The following SIPA1L3 variants were observed in gnomAD, a reference collection of about 807,000 sequenced individuals.
SIPA1L3 encodes the protein signal induced proliferation associated 1 like 3.
Under a neutral mutation model 150.1 loss-of-function variants are expected in SIPA1L3, and 59 were observed. That is an observed-to-expected ratio of 0.39 (90% CI 0.32 to 0.49). The LOEUF is 0.49. Among genes scored for constraint, SIPA1L3 ranks in the 20% least tolerant of loss-of-function variants. The pLI is 0.86. For synonymous variants in SIPA1L3, 1,070 were observed against 1,077.6 expected, an observed-to-expected ratio of 0.99 and a Z score of 0.14; for missense variants, 2,211 against 2,489.5, an observed-to-expected ratio of 0.89 and a Z score of 2.38.
chr19:38,002,737 A>G lies in SIPA1L3; in HGVS notation c.-378-26352A>G, dbSNP rs868820861. ...CATCTCAAAAAAAAAAAAAAAAAAA[A>G]AAAAAAATTTATATGTATATATATA... On this transcript the variant is annotated intron_variant, in intron 1 of 21. Transcript: ENST00000222345. Among the ~76,000 whole-genome samples the G allele has an allele frequency of 4.4e-3, 663 of 150,182 alleles. 8 individuals carry two copies. The highest frequency in any genetic ancestry group is 0.016 in the African/African-American group (643 of 40,972).
chr19:37,941,745 C>T (rs1326533674), intron 1 of SIPA1L3, among the ~76,000 whole-genome samples: 2 of 152,296 alleles, frequency 1.3e-5, no homozygotes, highest in South Asian at 2.1e-4. Context: ...TGAGTTCCTG[C>T]TCTACGCCAA....
chr19:38,130,375 G>A lies in SIPA1L3; in HGVS notation c.2869-123G>A, dbSNP rs1355398506. 4 of 991,900 alleles carry A rather than the reference G, an allele frequency of 4.0e-6. No homozygotes were observed. The Admixed American group carries it at 9.7e-5, about 24-fold the overall frequency. 61.4% of individuals were successfully genotyped at this position (991,900 alleles called of 1,614,324 possible). On this transcript the variant is annotated intron_variant, in intron 9 of 21. Coordinates refer to ENST00000222345, the MANE Select transcript of SIPA1L3 (RefSeq NM_015073.3). Reference sequence around the variant, plus strand: ...CCTGCGGGTCCCCTGCCATCACCCGGGAAGGTATTAATAGATGGGAGTTGG... The same window carrying A: ...CCTGCGGGTCCCCTGCCATCACCCGAGAAGGTATTAATAGATGGGAGTTGG...
At chr19:38,152,786 T>G (rs1971855980) in intron 12 of SIPA1L3, 54 bp from the exon 13 acceptor site, 1 of 1,544,726 alleles carries the variant, frequency 6.5e-7, no homozygotes, top group Non-Finnish European at 8.8e-7. Flanking sequence ...GCTCAGGTGG[T>G]TTTCGACATA....
intron 1 of SIPA1L3, among the ~76,000 whole-genome samples, chr19:38,013,116 G>A (rs755703973): frequency 1.8e-4 from 28 of 152,154 alleles, no homozygotes; most frequent in Non-Finnish European, 2.9e-4. Flanking sequence ...CTGAGCTCCC[G>A]TTGCCTCCTG....
At chr19:38,094,347 C>G (rs1424685750) in intron 4 of SIPA1L3, among the ~76,000 whole-genome samples, 1 of 152,136 alleles carries the variant, frequency 6.6e-6, no homozygotes, top group Non-Finnish European at 1.5e-5. Context: ...TTCCCGGGCT[C>G]AAGCGATCCT....
intron 2 of SIPA1L3, among the ~76,000 whole-genome samples, chr19:38,044,807 T>C (rs754581052): frequency 5.3e-5 from 8 of 151,974 alleles, no homozygotes; most frequent in Non-Finnish European, 7.4e-5. Context: ...CAGATGATGA[T>C]GGGGAAGGAG....
At chr19:38,102,055 T>C (rs934873999) in intron 6 of SIPA1L3, among the ~76,000 whole-genome samples, 9 of 148,942 alleles carry the variant, frequency 6.0e-5, no homozygotes, top group African/African-American at 2.3e-4. Context: ...TTTTCTTTTT[T>C]TTTTTTTTTT....
intron 2 of SIPA1L3, among the ~76,000 whole-genome samples, chr19:38,034,165 T>G (rs12971338): frequency 0.55 from 82,912 of 152,058 alleles, 23,860 homozygotes; most frequent in East Asian, 0.71. Context: ...TATTTAACTT[T>G]TCAGCCTTTC....
chr19:38,206,504 A>C lies in SIPA1L3; in HGVS notation c.*264A>C. On this transcript the variant is annotated 3_prime_UTR_variant, in exon 22 of 22. Transcript: ENST00000222345. Reference sequence around the variant, plus strand: ...TCCCGGTGAGCTGGGCTGTGCTTACACCGCTCCCGGGCCTGCCCCGCTGTC... The same window carrying C: ...TCCCGGTGAGCTGGGCTGTGCTTACCCCGCTCCCGGGCCTGCCCCGCTGTC... 1 of 394,618 alleles carries C rather than the reference A, an allele frequency of 2.5e-6. No homozygotes were observed. Among genetic ancestry groups the C allele is most frequent in the Non-Finnish European group, 4.5e-6 (1 of 220,298 alleles). 24.4% of individuals were successfully genotyped at this position (394,618 alleles called of 1,614,324 possible).
chr19:38,023,208 GAGCACCACACT>G (rs1359844888), intron 1 of SIPA1L3, among the ~76,000 whole-genome samples: 1 of 152,192 alleles, frequency 6.6e-6, no homozygotes, highest in East Asian at 1.9e-4. Context: ...TGTGTGTTCA[GAGCACCACACT>G]AGCACGCCTA....
intron 20 of SIPA1L3, 101 bp from the exon 21 acceptor site, chr19:38,204,025 AG>A: frequency 1.2e-6 from 1 of 864,028 alleles, no homozygotes; most frequent in Non-Finnish European, 1.8e-6. Flanking sequence ...CTAGAATGTC[AG>A]GGATAAGGGG....
At chr19:37,981,944 C>G (rs1372579683) in intron 1 of SIPA1L3, among the ~76,000 whole-genome samples, 1 of 152,208 alleles carries the variant, frequency 6.6e-6, no homozygotes, top group African/African-American at 2.4e-5. Context: ...ACCACCACAG[C>G]TGTGTGCAGT....
At chr19:38,074,261 C>G (rs1430484540) in intron 2 of SIPA1L3, among the ~76,000 whole-genome samples, 2 of 152,190 alleles carry the variant, frequency 1.3e-5, no homozygotes, top group Admixed American at 1.3e-4. Context: ...CGAAGGCCTG[C>G]AAGAACATCT....
chr19:38,100,528 C>G (rs1458813256), intron 5 of SIPA1L3, among the ~76,000 whole-genome samples: 2 of 152,214 alleles, frequency 1.3e-5, no homozygotes, highest in Non-Finnish European at 2.9e-5. Flanking sequence ...CAGACCCCAG[C>G]AGGCTGACCC....
chr19:38,053,153 A>G (rs1022178323), intron 2 of SIPA1L3, among the ~76,000 whole-genome samples: 1 of 152,196 alleles, frequency 6.6e-6, no homozygotes, highest in African/African-American at 2.4e-5. Flanking sequence ...AGGGGAGCCC[A>G]GGGGAGATGG....
intron 15 of SIPA1L3, among the ~76,000 whole-genome samples, chr19:38,180,366 T>C (rs536134758): frequency 2.6e-5 from 4 of 152,168 alleles, no homozygotes; most frequent in African/African-American, 9.6e-5. Flanking sequence ...CTCACTGTGT[T>C]TCCCAGGCTG....
intron 1 of SIPA1L3, among the ~76,000 whole-genome samples, chr19:37,975,831 G>A (rs1308316863): frequency 3.3e-5 from 5 of 152,110 alleles, no homozygotes; most frequent in South Asian, 2.1e-4. Context: ...TTGGCCGGGC[G>A]CAGTGGCTCA....
intron 2 of SIPA1L3, among the ~76,000 whole-genome samples, chr19:38,033,770 G>A (rs933207666): frequency 6.6e-6 from 1 of 152,076 alleles, no homozygotes; most frequent in Non-Finnish European, 1.5e-5. Flanking sequence ...ACAGCGACTG[G>A]GCTTGGTAAG....
chr19:37,929,362 G>A (rs2046533171), intron 1 of SIPA1L3, among the ~76,000 whole-genome samples: 1 of 152,242 alleles, frequency 6.6e-6, no homozygotes, highest in African/African-American at 2.4e-5. Context: ...GGAACACAGG[G>A]AAAGCATAAT....
Sources: allele counts gnomAD v4.1 joint callset (sites outside exome capture counted in the v4.1 genomes callset), GRCh38; gene constraint gnomAD v4.1.1; transcripts MANE v1.5; gene names NCBI Gene and HGNC (gene_info 2026-07-23, HGNC 2026-07-21).